The following S100A8 variants were observed in gnomAD, a reference collection of about 807,000 sequenced individuals.
The protein encoded by S100A8 is protein S100-A8.
In S100A8, 1 loss-of-function variant was observed where a neutral mutation model predicts 4.2. That is an observed-to-expected ratio of 0.24 (90% CI 0.08 to 1.12). S100A8 has a LOEUF of 1.12. S100A8 is among the 50% of genes most tolerant of loss of function. The pLI, the probability that S100A8 is intolerant of heterozygous loss-of-function variation, is 0.53. For synonymous variants in S100A8, 41 were observed against 44.7 expected (o/e 0.92, Z 0.33); for missense variants, 96 against 111.8 (o/e 0.86, Z 0.64).
chr1:153,406,896 A>G, the S100A8 span, among the ~76,000 whole-genome samples: 1 of 152,232 alleles, frequency 6.6e-6, no homozygotes, highest in South Asian at 2.1e-4. Flanking sequence ...GGTGCAAAAG[A>G]TAAGGCCCCT....
upstream of S100A8, among the ~76,000 whole-genome samples, chr1:153,395,453 C>T (rs895752613): frequency 6.6e-6 from 1 of 151,936 alleles, no homozygotes; most frequent in African/African-American, 2.4e-5. Flanking sequence ...CCTCCTCTCC[C>T]TCAGTCTGCG....
At chr1:153,404,384 C>A in the S100A8 span, among the ~76,000 whole-genome samples, 1 of 152,168 alleles carries the variant, frequency 6.6e-6, no homozygotes, top group Non-Finnish European at 1.5e-5. Flanking sequence ...CTCTGGCAAC[C>A]AGCCCCATCC....
the S100A8 span, among the ~76,000 whole-genome samples, chr1:153,401,080 C>T: frequency 6.6e-6 from 1 of 152,232 alleles, no homozygotes; most frequent in African/African-American, 2.4e-5. Flanking sequence ...GTGATGATCC[C>T]TTGCACAGCT....
chr1:153,411,570 G>A, the S100A8 span, among the ~76,000 whole-genome samples: 1 of 152,180 alleles, frequency 6.6e-6, no homozygotes, highest in East Asian at 1.9e-4. Context: ...GTAATTTGTA[G>A]ATTCAATGCC....
At chr1:153,391,840 T>C (rs1473708635), upstream of S100A8, among the ~76,000 whole-genome samples, 1 of 152,172 alleles carries the variant, frequency 6.6e-6, no homozygotes. Context: ...GGTTAATTAT[T>C]GTGTCTGGGA....
the S100A8 span, chr1:153,416,578 C>A: frequency 4.2e-6 from 2 of 478,768 alleles, no homozygotes; most frequent in Non-Finnish European, 8.4e-6. Flanking sequence ...GTCTCACCTG[C>A]CTCTTTGCAT....
At chr1:153,393,242 G>T (rs970677515), upstream of S100A8, among the ~76,000 whole-genome samples, 1 of 152,064 alleles carries the variant, frequency 6.6e-6, no homozygotes, top group Non-Finnish European at 1.5e-5. Context: ...TGATCCACCT[G>T]CCCTCACCCC....
chr1:153,403,606 G>A, the S100A8 span, among the ~76,000 whole-genome samples: 48 of 151,640 alleles, frequency 3.2e-4, no homozygotes, highest in Non-Finnish European at 3.7e-4. Flanking sequence ...TGTGGGCCAC[G>A]GCCCTGCCCT....
chr1:153,417,208 T>A, the S100A8 span: 2 of 152,272 alleles, frequency 1.3e-5, no homozygotes, highest in Admixed American at 1.3e-4. Context: ...AGAGCTGCAC[T>A]GTCTTATTTT....
upstream of S100A8, among the ~76,000 whole-genome samples, chr1:153,394,819 AG>A (rs1430484669): frequency 1.3e-5 from 2 of 152,122 alleles, no homozygotes; most frequent in Non-Finnish European, 2.9e-5. Context: ...CCAGGTGGGG[AG>A]GGAACCAGAC....
the S100A8 span, among the ~76,000 whole-genome samples, chr1:153,411,207 A>G: frequency 2.0e-5 from 3 of 152,256 alleles, no homozygotes; most frequent in African/African-American, 7.2e-5. Context: ...TTTGCAGATG[A>G]CATGATTGTA....
At chr1:153,404,843 C>A in the S100A8 span, among the ~76,000 whole-genome samples, 22,126 of 151,994 alleles carry the variant, frequency 0.15, 1,852 homozygotes, top group African/African-American at 0.24. Flanking sequence ...TCACAACCTA[C>A]AGAAGGGCGG....
chr1:153,415,797 G>C, the S100A8 span, among the ~76,000 whole-genome samples: 1 of 152,162 alleles, frequency 6.6e-6, no homozygotes, highest in Non-Finnish European at 1.5e-5. Context: ...CAGGGCTTCT[G>C]TGAGGGGCTG....
At chr1:153,404,904 C>A in the S100A8 span, among the ~76,000 whole-genome samples, 1 of 151,994 alleles carries the variant, frequency 6.6e-6, no homozygotes, top group South Asian at 2.1e-4. Flanking sequence ...ACAACCAGGG[C>A]GAGGTGGGTG....
At chr1:153,418,309 C>T in the S100A8 span, 51 of 1,534,342 alleles carry the variant, frequency 3.3e-5, no homozygotes, top group Non-Finnish European at 4.3e-5. Context: ...GACAGGTCAC[C>T]CTCATCCTCT....
chr1:153,390,784 G>A, intron 1 of S100A8: 1 of 587,184 alleles, frequency 1.7e-6, no homozygotes, highest in Non-Finnish European at 2.8e-6. Flanking sequence ...ACACACACGG[G>A]GCCCGTAGAC....
the S100A8 span, among the ~76,000 whole-genome samples, chr1:153,407,219 C>A: frequency 8.5e-5 from 13 of 152,224 alleles, no homozygotes; most frequent in African/African-American, 2.9e-4. Flanking sequence ...TTTTCATAGC[C>A]AAGGGAAGCC....
At chr1:153,392,349 G>A (rs762170077), upstream of S100A8, among the ~76,000 whole-genome samples, 3 of 152,212 alleles carry the variant, frequency 2.0e-5, no homozygotes, top group Non-Finnish European at 4.4e-5. Flanking sequence ...GTGTTGGTGA[G>A]GGCATAGAGA....
At chr1:153,390,764 A>G (rs1481119394) in intron 1 of S100A8, 6 of 647,432 alleles carry the variant, frequency 9.3e-6, no homozygotes, top group Non-Finnish European at 1.5e-5. Flanking sequence ...ATTCACACAG[A>G]GACATGTGCA....
Sources: allele counts gnomAD v4.1 joint callset (sites outside exome capture counted in the v4.1 genomes callset), GRCh38; gene constraint gnomAD v4.1.1; transcripts MANE v1.5; gene names NCBI Gene and HGNC (gene_info 2026-07-23, HGNC 2026-07-21).